UVRAG: variants seen among roughly 807,000 people sequenced by gnomAD.
UVRAG encodes UV radiation resistance associated.
A neutral mutation model predicts 78.0 loss-of-function variants in UVRAG; 19 were observed. The ratio of observed to expected loss-of-function variants is 0.24; its 90% CI spans 0.17 to 0.36. The LOEUF (loss-of-function observed/expected upper bound fraction) is 0.36. UVRAG is among the 10% of genes least tolerant of loss of function. The pLI, the probability that UVRAG is intolerant of heterozygous loss-of-function variation, is 1.00. For missense variants in UVRAG, 740 were observed against 853.8 expected (o/e 0.87, Z 1.66); for synonymous variants, 323 against 324.6 (o/e 1.00, Z 0.05).
Position 76,140,970 on chromosome 11 carries a change from A to G in UVRAG, c.1657A>G (p.Thr553Ala). ...KITSLSSSLD[T>A]SLDFSKENKK... is the part of the protein sequence containing the mutation. ...AACATCTCTATCCTCCTCCTTGGAT[A>G]CCTCCTTGGACTTCTCCAAAGAAAA... Residue 553 changes from threonine (T) to alanine (A), a missense_variant, in exon 15 of 15, where the codon ACC becomes GCC. By Grantham distance (58) the Thr-to-Ala change is moderately conservative (BLOSUM62 0). Coordinates refer to ENST00000356136, the MANE Select transcript of UVRAG (RefSeq NM_003369.4). 1 of 1,613,990 alleles carries G rather than the reference A, an allele frequency of 6.2e-7. No homozygotes were observed. The highest frequency in any genetic ancestry group is 8.5e-7 in the Non-Finnish European group (1 of 1,180,016).
intron 12 of UVRAG, among the ~76,000 whole-genome samples, chr11:76,056,247 C>T (rs1950983193): frequency 6.6e-6 from 1 of 152,218 alleles, no homozygotes; most frequent in Non-Finnish European, 1.5e-5. Context: ...TAGGTTCTTT[C>T]ATCCTCAACA....
rs982965239 is a variant in UVRAG, at chr11:75,825,424, A to T, written c.117+9900A>T. Among the ~76,000 whole-genome samples the T allele has an allele frequency of 3.3e-5, 5 of 152,046 alleles. No individual in the cohort carries two copies. In the East Asian group the frequency reaches 9.6e-4, roughly 29 times the overall value. ...CACTGTGCCTGGCCAGTAAAGTCTTATATTGTTAAATTTTTTCAATGCCTT... is the reference window on the plus strand; with the variant it reads ...CACTGTGCCTGGCCAGTAAAGTCTTTTATTGTTAAATTTTTTCAATGCCTT... On this transcript the variant is annotated intron_variant, in intron 1 of 14. Transcript: ENST00000356136.
At chr11:75,955,385 A>G (rs960297851) in intron 6 of UVRAG, among the ~76,000 whole-genome samples, 15 of 152,208 alleles carry the variant, frequency 9.9e-5, no homozygotes, top group Non-Finnish European at 5.9e-5. Flanking sequence ...AAAAGTAAAG[A>G]ATATATCATG....
chr11:75,910,883 C>T (rs1947721703), intron 5 of UVRAG, among the ~76,000 whole-genome samples: 1 of 152,060 alleles, frequency 6.6e-6, no homozygotes, highest in Admixed American at 6.5e-5. Context: ...ACTTGGAATG[C>T]CCTTTTCCCC....
intron 12 of UVRAG, among the ~76,000 whole-genome samples, chr11:76,032,400 T>A (rs1010181194): frequency 6.6e-6 from 1 of 152,230 alleles, no homozygotes; most frequent in Non-Finnish European, 1.5e-5. Flanking sequence ...AATAGTTGCT[T>A]TTCTTCTCTA....
At chr11:76,060,811 C>T (rs529053461) in intron 12 of UVRAG, among the ~76,000 whole-genome samples, 33 of 152,338 alleles carry the variant, frequency 2.2e-4, no homozygotes, top group African/African-American at 7.0e-4. Flanking sequence ...TGGGGCAGGG[C>T]TTGGGACCTG....
chr11:75,921,745 C>A (rs1246617427), intron 6 of UVRAG, among the ~76,000 whole-genome samples: 1 of 151,416 alleles, frequency 6.6e-6, no homozygotes, highest in Non-Finnish European at 1.5e-5. Context: ...TATAGATAGT[C>A]CATATCTTGT....
At chr11:75,893,054 T>C (rs2134946346) in intron 5 of UVRAG, among the ~76,000 whole-genome samples, 2 of 150,198 alleles carry the variant, frequency 1.3e-5, no homozygotes, top group South Asian at 4.2e-4. Flanking sequence ...GGCGGGTGCC[T>C]GTAATCCCAG....
Position 76,000,619 on chromosome 11 carries a change from A to T in UVRAG, c.827-3386A>T, listed in dbSNP as rs557681304. ...AACAGAGTGAGACCCTGTTTCTTAA[A>T]AAAAAAAGGAAAAAAAGAAAAAAGT... is the stretch of plus-strand genomic sequence containing the variant. On this transcript the variant is annotated intron_variant, in intron 8 of 14. Transcript: ENST00000356136. 1.2e-3 allele frequency among the ~76,000 whole-genome samples: 186 copies of T among 152,206 alleles called. 3 individuals are homozygous for T. The highest frequency in any genetic ancestry group is 4.1e-3 in the African/African-American group (169 of 41,500).
chr11:76,110,053 A>G (rs1359686571), intron 13 of UVRAG, among the ~76,000 whole-genome samples: 2 of 151,926 alleles, frequency 1.3e-5, no homozygotes, highest in Non-Finnish European at 1.5e-5. Flanking sequence ...TGTACTTAAG[A>G]TTTTCCCTTT....
intron 12 of UVRAG, 89 bp from the exon 13 acceptor site, chr11:76,065,621 T>C: frequency 1.8e-6 from 2 of 1,124,442 alleles, no homozygotes; most frequent in Non-Finnish European, 1.3e-6. Flanking sequence ...GTTTATGCTG[T>C]ATCTAAGAAA....
chr11:75,836,527 C>T (rs79241003), intron 1 of UVRAG, among the ~76,000 whole-genome samples: 1,704 of 152,180 alleles, frequency 0.011, 31 homozygotes, highest in African/African-American at 0.038. Context: ...ATGTTCTCAC[C>T]CCCATTTCTT....
intron 12 of UVRAG, among the ~76,000 whole-genome samples, chr11:76,020,200 T>A (rs1377101408): frequency 1.3e-5 from 2 of 152,006 alleles, no homozygotes; most frequent in Non-Finnish European, 2.9e-5. Context: ...TGGCGAATGC[T>A]GCCACACCTG....
chr11:75,966,733 C>CA (rs1223309675), intron 7 of UVRAG, among the ~76,000 whole-genome samples: 1 of 152,030 alleles, frequency 6.6e-6, no homozygotes, highest in Non-Finnish European at 1.5e-5. Context: ...TACTTTGTTC[C>CA]AAAAAATGTT....
chr11:75,819,497 C>T (rs766345215), intron 1 of UVRAG, among the ~76,000 whole-genome samples: 1 of 152,006 alleles, frequency 6.6e-6, no homozygotes, highest in Non-Finnish European at 1.5e-5. Context: ...ACAGGCTGTG[C>T]CACCATGCCC....
chr11:75,821,496 G>A (rs977873213), intron 1 of UVRAG, among the ~76,000 whole-genome samples: 4 of 152,114 alleles, frequency 2.6e-5, no homozygotes, highest in African/African-American at 9.7e-5. Flanking sequence ...AATGGCATGT[G>A]CCTCCACGCC....
chr11:75,937,448 A>G (rs777748488), intron 6 of UVRAG, among the ~76,000 whole-genome samples: 3 of 152,196 alleles, frequency 2.0e-5, no homozygotes, highest in Non-Finnish European at 2.9e-5. Flanking sequence ...TCTACTGGTA[A>G]TTGAACTCTT....
chr11:76,107,533 T>C (rs1167995306), intron 13 of UVRAG, among the ~76,000 whole-genome samples: 2 of 152,254 alleles, frequency 1.3e-5, no homozygotes, highest in African/African-American at 4.8e-5. Context: ...CTGTGTCCAG[T>C]GTTTACATTA....
intron 1 of UVRAG, among the ~76,000 whole-genome samples, chr11:75,820,309 A>T (rs548922142): frequency 1.3e-5 from 2 of 152,158 alleles, no homozygotes; most frequent in South Asian, 4.1e-4. Flanking sequence ...AAAATTGAGA[A>T]GATAGTACAG....
Sources: gnomAD v4.1 joint callset for allele counts (sites outside exome capture counted in the v4.1 genomes callset) on GRCh38, gnomAD v4.1.1 for gene constraint, MANE v1.5 for transcripts, NCBI Gene and HGNC (gene_info 2026-07-23, HGNC 2026-07-21) for gene names.